The following NFIB variants were observed in gnomAD, a reference collection of about 807,000 sequenced individuals.
NFIB encodes nuclear factor 1 B-type.
A neutral mutation model predicts 61.5 loss-of-function variants in NFIB; 11 were observed. The observed-to-expected ratio is 0.18, with a 90% CI of 0.11 to 0.30. The LOEUF (loss-of-function observed/expected upper bound fraction) is 0.30, where lower values mean the gene tolerates loss of function less well. NFIB is among the 10% of genes least tolerant of loss of function. NFIB has a pLI of 1.00. For synonymous variants in NFIB, 260 were observed against 216.5 expected (o/e 1.20, Z -1.76); for missense variants, 471 against 608.9 (o/e 0.77, Z 2.38).
chr9:14,142,179 C>T (rs1379749627), intron 6 of NFIB, among the ~76,000 whole-genome samples: 2 of 152,112 alleles, frequency 1.3e-5, no homozygotes, highest in East Asian at 1.9e-4. Context: ...AATTGTAACT[C>T]CCACAATTCC....
chr9:14,260,856 T>C (rs1479104387), intron 2 of NFIB, among the ~76,000 whole-genome samples: 1 of 152,184 alleles, frequency 6.6e-6, no homozygotes, highest in African/African-American at 2.4e-5. Context: ...TTGAAGGCAC[T>C]CAGTTCAGGG....
At chr9:14,441,207 G>A in the NFIB span, among the ~76,000 whole-genome samples, 3 of 149,438 alleles carry the variant, frequency 2.0e-5, no homozygotes, top group Non-Finnish European at 4.4e-5. Flanking sequence ...ATTGAATGTA[G>A]GATAAACTAT....
intron 1 of NFIB, among the ~76,000 whole-genome samples, chr9:14,373,278 T>G (rs2061379533): frequency 6.6e-6 from 1 of 152,258 alleles, no homozygotes; most frequent in African/African-American, 2.4e-5. Context: ...TACAGTGGTG[T>G]GAATCTCTTA....
At chr9:14,127,811 T>A (rs2039866941) in intron 6 of NFIB, among the ~76,000 whole-genome samples, 2 of 151,834 alleles carry the variant, frequency 1.3e-5, no homozygotes, top group South Asian at 2.1e-4. Flanking sequence ...GCAGTAGACA[T>A]CACAGTCTAC....
At chr9:14,219,821 T>C (rs1057413763) in intron 2 of NFIB, among the ~76,000 whole-genome samples, 7 of 152,202 alleles carry the variant, frequency 4.6e-5, no homozygotes, top group Non-Finnish European at 1.0e-4. Context: ...CACAATGGAA[T>C]TAAAGCTATG....
At chr9:14,358,395 A>G (rs1346323075) in intron 1 of NFIB, among the ~76,000 whole-genome samples, 1 of 152,154 alleles carries the variant, frequency 6.6e-6, no homozygotes, top group Non-Finnish European at 1.5e-5. Flanking sequence ...GCCAGATTTT[A>G]TGGGCTAACT....
the NFIB span, among the ~76,000 whole-genome samples, chr9:14,412,225 A>G: frequency 3.9e-5 from 6 of 152,196 alleles, no homozygotes; most frequent in Non-Finnish European, 5.9e-5. Context: ...AGATTGTCCT[A>G]TGTGTTCCCA....
chr9:14,292,344 T>C (rs1244061317), intron 2 of NFIB, among the ~76,000 whole-genome samples: 1 of 152,172 alleles, frequency 6.6e-6, no homozygotes, highest in African/African-American at 2.4e-5. Flanking sequence ...TTTATCTACA[T>C]TGAACCAAAT....
intron 2 of NFIB, among the ~76,000 whole-genome samples, chr9:14,293,462 C>T (rs1271118614): frequency 2.6e-5 from 4 of 152,148 alleles, no homozygotes; most frequent in African/African-American, 9.7e-5. Context: ...ATGAAAAACT[C>T]AACAATAATA....
chr9:14,372,436 C>A (rs1005613041), intron 1 of NFIB, among the ~76,000 whole-genome samples: 4 of 152,258 alleles, frequency 2.6e-5, no homozygotes, highest in Admixed American at 6.5e-5. Flanking sequence ...AATAAATCAC[C>A]AATAAATTAT....
At chr9:14,349,880 C>A (rs2132907651) in intron 1 of NFIB, among the ~76,000 whole-genome samples, 1 of 152,350 alleles carries the variant, frequency 6.6e-6, no homozygotes, top group South Asian at 2.1e-4. Context: ...AAAAAGTCAT[C>A]CTGTCAATAT....
At chr9:14,528,960 C>T in the NFIB span, among the ~76,000 whole-genome samples, 3 of 152,018 alleles carry the variant, frequency 2.0e-5, no homozygotes, top group South Asian at 4.1e-4. Context: ...AGCCAAGCAA[C>T]GGTAATTTAA....
the NFIB span, among the ~76,000 whole-genome samples, chr9:14,491,914 G>T: frequency 1.3e-5 from 2 of 152,084 alleles, no homozygotes; most frequent in African/African-American, 4.8e-5. Flanking sequence ...TCATTGCATG[G>T]TGTCTCAGAA....
At chr9:14,261,085 G>C (rs1045576791) in intron 2 of NFIB, among the ~76,000 whole-genome samples, 2 of 152,218 alleles carry the variant, frequency 1.3e-5, no homozygotes, top group African/African-American at 4.8e-5. Context: ...GGGAGGCCGA[G>C]GCAGGCAGAT....
intron 2 of NFIB, among the ~76,000 whole-genome samples, chr9:14,302,919 G>A (rs1158873416): frequency 4.6e-5 from 7 of 152,188 alleles, no homozygotes; most frequent in South Asian, 2.1e-4. Flanking sequence ...CAATATTAAC[G>A]CTAACTATCT....
chr9:14,192,419 C>T (rs2048047713), intron 2 of NFIB, among the ~76,000 whole-genome samples: 1 of 152,110 alleles, frequency 6.6e-6, no homozygotes, highest in Non-Finnish European at 1.5e-5. Flanking sequence ...AAATCTCATC[C>T]CTCCACCCAC....
In NFIB at chr9:14,084,049, A is replaced by G; in HGVS notation, c.*4260T>C. On this transcript the variant is annotated 3_prime_UTR_variant, in exon 11 of 11. Transcript: ENST00000380953. Reference sequence around the variant, plus strand: ...TACAACAAAATAACCTTCATAAAATATAACTTTTCTCCATTTACACTTTTT... The same window carrying G: ...TACAACAAAATAACCTTCATAAAATGTAACTTTTCTCCATTTACACTTTTT... 4.7e-6 allele frequency: 1 copy of G among 210,918 alleles called. No individual in the cohort carries two copies. The highest frequency in any genetic ancestry group is 7.2e-5 in the East Asian group (1 of 13,890). The allele number at this position is 210,918 out of a possible 1,614,324, so 13.1% of individuals were successfully genotyped here.
chr9:14,206,757 G>A (rs973152380), intron 2 of NFIB, among the ~76,000 whole-genome samples: 1 of 143,696 alleles, frequency 7.0e-6, no homozygotes, highest in African/African-American at 2.6e-5. Context: ...CTGTGTCTTA[G>A]TTTCAGTCAT....
chr9:14,299,075 AGG>A (rs1420392186), intron 2 of NFIB, among the ~76,000 whole-genome samples: 3 of 152,224 alleles, frequency 2.0e-5, no homozygotes, highest in African/African-American at 7.2e-5. Context: ...TCACTAATAG[AGG>A]GGTATAGACT....
Sources: gnomAD v4.1 joint callset for allele counts (sites outside exome capture counted in the v4.1 genomes callset) on GRCh38, gnomAD v4.1.1 for gene constraint, MANE v1.5 for transcripts, NCBI Gene and HGNC (gene_info 2026-07-23, HGNC 2026-07-21) for gene names.